Variants in KIRREL3 observed in about 807,000 individuals in gnomAD.
KIRREL3 encodes the protein kirre like nephrin family adhesion molecule 3.
A neutral mutation model predicts 89.7 loss-of-function variants in KIRREL3; 36 were observed. The ratio of observed to expected loss-of-function variants is 0.40; its 90% CI spans 0.31 to 0.53. KIRREL3 has a LOEUF of 0.53. Ranked by LOEUF, KIRREL3 falls within the 20% of genes least tolerant of loss-of-function variation. The probability of loss-of-function intolerance (pLI) is 0.49; values close to 1 mark genes in which losing one functional copy is unlikely to be tolerated. For synonymous variants in KIRREL3, 445 were observed against 441.4 expected (o/e 1.01, Z -0.10); for missense variants, 864 against 1,056.6 (o/e 0.82, Z 2.53).
chr11:126,582,674 G>T (rs61901076), intron 1 of KIRREL3, among the ~76,000 whole-genome samples: 43 of 152,274 alleles, frequency 2.8e-4, no homozygotes, highest in Non-Finnish European at 5.3e-4. Context: ...AGCCCCATGA[G>T]GATGGGAGGG....
At chr11:126,951,858 C>T (rs947088943) in intron 1 of KIRREL3, among the ~76,000 whole-genome samples, 5 of 152,134 alleles carry the variant, frequency 3.3e-5, no homozygotes, top group African/African-American at 1.2e-4. Flanking sequence ...TAAATGCTCC[C>T]TGGAAAACCT....
Position 126,742,536 on chromosome 11 carries a change from C to G in KIRREL3, c.56-179624G>C, listed in dbSNP as rs1367204725. 1.3e-5 allele frequency among the ~76,000 whole-genome samples: 2 copies of G among 152,160 alleles called. No homozygotes were observed. The highest frequency in any genetic ancestry group is 1.9e-4 in the East Asian group (1 of 5,202). ...ACATGGATCTCAGAACTGGAAAGAA[C>G]AAGAGATTTTCCCATAAAGCTCCCC... On this transcript the variant is annotated intron_variant, in intron 1 of 16. Transcript: ENST00000525144. The surrounding 1 kb of genome is among the most constrained non-coding windows in gnomAD (Gnocchi z 5.3).
At position 126,892,041 on chromosome 11, in the gene KIRREL3, C is replaced by G. The variant is rs1945944081; in HGVS notation, c.55+108414G>C. 6.6e-6 allele frequency among the ~76,000 whole-genome samples: 1 copy of G among 152,166 alleles called. No homozygotes were observed. ...CCAGCTGGAGACAGAATGCTGGACT[C>G]TGGGTGCCTGAATTCTGATCCTGGC... On this transcript the variant is annotated intron_variant, in intron 1 of 16. Transcript: ENST00000525144. This position sits in a 1 kb window ranked among gnomAD's most constrained non-coding sequence, Gnocchi z 5.4.
rs770004087 is a variant in KIRREL3, at chr11:126,689,784, C to T, written c.56-126872G>A. ...CCCTCCCAAGACTGACAGGTTAGCA[C>T]GGAAGGTATAATCTGCTAGTCAGAT... On this transcript the variant is annotated intron_variant, in intron 1 of 16. Transcript: ENST00000525144. This position sits in a 1 kb window ranked among gnomAD's most constrained non-coding sequence, Gnocchi z 5.2. Among the ~76,000 whole-genome samples, 19 of 152,276 alleles carry T rather than the reference C, an allele frequency of 1.2e-4. No homozygotes were observed. The highest frequency in any genetic ancestry group is 2.1e-4 in the Non-Finnish European group (14 of 68,028).
At chr11:126,832,921 C>T (rs933509774) in intron 1 of KIRREL3, among the ~76,000 whole-genome samples, 1 of 152,170 alleles carries the variant, frequency 6.6e-6, no homozygotes, top group African/African-American at 2.4e-5. Context: ...CTATGGTGCA[C>T]AGATCAAGCT....
rs2135109420 is a variant in KIRREL3 at position 126,683,760 on chromosome 11, C to T, written c.56-120848G>A. ...TGAGGAGTGAATGTCTCCAATTAGGCTGCATTCAGCAGGCCTGGCAGCCTC... is the reference window on the plus strand; with the variant it reads ...TGAGGAGTGAATGTCTCCAATTAGGTTGCATTCAGCAGGCCTGGCAGCCTC... On this transcript the variant is annotated intron_variant, in intron 1 of 16. Transcript: ENST00000525144. The surrounding 1 kb of genome is among the most constrained non-coding windows in gnomAD (Gnocchi z 5.2). Among the ~76,000 whole-genome samples, 2 of 152,332 alleles carry T rather than the reference C, an allele frequency of 1.3e-5. No homozygotes were observed. The highest frequency in any genetic ancestry group is 6.8e-3 in the Middle Eastern group (2 of 294).
intron 1 of KIRREL3, among the ~76,000 whole-genome samples, chr11:126,626,939 G>A (rs1396931804): frequency 2.0e-5 from 3 of 152,004 alleles, no homozygotes; most frequent in Non-Finnish European, 4.4e-5. Context: ...ACCCAGTGGG[G>A]CGGAGGTTGC....
intron 1 of KIRREL3, among the ~76,000 whole-genome samples, chr11:126,592,200 C>T (rs191529544): frequency 5.8e-4 from 89 of 152,258 alleles, no homozygotes; most frequent in Non-Finnish European, 1.1e-3. Flanking sequence ...CAGTTATTGT[C>T]GTAATCCTTA....
At position 126,830,600 on chromosome 11, in the gene KIRREL3, T is replaced by C. The variant is rs1019577513; in HGVS notation, c.55+169855A>G. ...CAGTCATCTCTTAGTGTTTCGATTT[T>C]AGAGCGGCTGTTAAGAGCCAGCTAA... On this transcript the variant is annotated intron_variant, in intron 1 of 16. Transcript: ENST00000525144. This position sits in a 1 kb window ranked among gnomAD's most constrained non-coding sequence, Gnocchi z 4.9. Among the ~76,000 whole-genome samples the C allele has an allele frequency of 1.1e-4, 16 of 152,186 alleles. No homozygotes were observed. The highest frequency in any genetic ancestry group is 2.6e-4 in the Admixed American group (4 of 15,280).
intron 1 of KIRREL3, among the ~76,000 whole-genome samples, chr11:126,937,452 C>T (rs936180292): frequency 1.3e-5 from 2 of 152,204 alleles, no homozygotes; most frequent in East Asian, 1.9e-4. Context: ...GTTGACAGGC[C>T]CCGTCATTAT....
chr11:126,602,253 C>T (rs12281980), intron 1 of KIRREL3, among the ~76,000 whole-genome samples: 9,299 of 152,106 alleles, frequency 0.061, 959 homozygotes, highest in African/African-American at 0.21. Context: ...AGCAGGGAGG[C>T]CACAGCCCTG....
intron 1 of KIRREL3, among the ~76,000 whole-genome samples, chr11:126,662,108 A>G (rs1196475105): frequency 6.6e-6 from 1 of 152,192 alleles, no homozygotes; most frequent in Admixed American, 6.5e-5. Context: ...AGGGTCTGAA[A>G]TGTGCTCAGT....
intron 1 of KIRREL3, among the ~76,000 whole-genome samples, chr11:126,588,188 C>T (rs1012520640): frequency 2.0e-5 from 3 of 152,206 alleles, no homozygotes; most frequent in Non-Finnish European, 4.4e-5. Flanking sequence ...GAGAGTAACA[C>T]TGGCCAAGAG....
chr11:126,768,170 AATCCATCCATCCATCCATCC>A lies in KIRREL3; in HGVS notation c.56-205278_56-205259del, dbSNP rs67640196. Among the ~76,000 whole-genome samples, 9 of 80,010 alleles carry A rather than the reference AATCCATCCATCCATCCATCC, an allele frequency of 1.1e-4. No individual in the cohort carries two copies. The highest frequency in any genetic ancestry group is 3.1e-4 in the African/African-American group (8 of 25,420). 52.5% of individuals were successfully genotyped at this position (80,010 alleles called of 152,430 possible). On this transcript the variant is annotated intron_variant, in intron 1 of 16. Transcript: ENST00000525144. The surrounding 1 kb of genome is among the most constrained non-coding windows in gnomAD (Gnocchi z 4.5). Reference sequence around the variant, plus strand: ...CATCCATCCATCCATCCATCCATCCAATCCATCCATCCATCCATCCATCCATCCATCCATCCATCCATCCA... The same window carrying A: ...CATCCATCCATCCATCCATCCATCCAATCCATCCATCCATCCATCCATCCA...
At chr11:126,700,678 C>T (rs1183304236) in intron 1 of KIRREL3, among the ~76,000 whole-genome samples, 1 of 152,204 alleles carries the variant, frequency 6.6e-6, no homozygotes, top group East Asian at 1.9e-4. Flanking sequence ...GCAGCCGGGG[C>T]TCTGAGGAGC....
chr11:126,881,151 C>T (rs1945478700), intron 1 of KIRREL3, among the ~76,000 whole-genome samples: 1 of 152,190 alleles, frequency 6.6e-6, no homozygotes, highest in Non-Finnish European at 1.5e-5. Flanking sequence ...CTCCACCAAT[C>T]ACAGTGTCAC....
At chr11:126,881,795 T>G (rs4608096) in intron 1 of KIRREL3, among the ~76,000 whole-genome samples, 93,624 of 151,934 alleles carry the variant, frequency 0.62, 30,368 homozygotes, top group African/African-American at 0.82. Context: ...TGATCTGCCT[T>G]CCTCAGCCTC....
At position 126,897,988 on chromosome 11, in the gene KIRREL3, C is replaced by A. The variant is rs1467013233; in HGVS notation, c.55+102467G>T. Among the ~76,000 whole-genome samples, 1 of 152,144 alleles carries A rather than the reference C, an allele frequency of 6.6e-6. No individual in the cohort carries two copies. The highest frequency in any genetic ancestry group is 1.5e-5 in the Non-Finnish European group (1 of 68,024). The stretch of plus-strand genomic sequence containing the variant: ...TTGGACTGTCCACACTGGTCTAGCA[C>A]TATTGTGTCACTGAATTCCTACAGA... On this transcript the variant is annotated intron_variant, in intron 1 of 16. Coordinates refer to ENST00000525144, the MANE Select transcript of KIRREL3 (RefSeq NM_032531.4). This position sits in a 1 kb window ranked among gnomAD's most constrained non-coding sequence, Gnocchi z 4.2.
intron 1 of KIRREL3, among the ~76,000 whole-genome samples, chr11:126,661,586 A>T (rs1945404632): frequency 6.6e-6 from 1 of 152,200 alleles, no homozygotes; most frequent in African/African-American, 2.4e-5. Flanking sequence ...GCCCACCTCT[A>T]ATCAAAAGCA....
Sources: allele counts gnomAD v4.1 joint callset (sites outside exome capture counted in the v4.1 genomes callset), GRCh38; gene constraint gnomAD v4.1.1; non-coding constraint Gnocchi (gnomAD v3.1); transcripts MANE v1.5; gene names NCBI Gene and HGNC (gene_info 2026-07-23, HGNC 2026-07-21).